The following NAV2 variants were observed in gnomAD, a reference collection of about 807,000 sequenced individuals.
NAV2 encodes helicase, APC down-regulated 1.
Under a neutral mutation model 223.2 loss-of-function variants are expected in NAV2, and 54 were observed. The ratio of observed to expected loss-of-function variants is 0.24; its 90% CI spans 0.19 to 0.30. The LOEUF (loss-of-function observed/expected upper bound fraction) is 0.30. NAV2 is among the 10% of genes least tolerant of loss of function. NAV2 has a pLI of 1.00. For synonymous variants in NAV2, 1,279 were observed against 1,239.3 expected, an observed-to-expected ratio of 1.03 and a Z score of -0.67; for missense variants, 2,806 against 3,147.5, an observed-to-expected ratio of 0.89 and a Z score of 2.60.
intron 5 of NAV2, among the ~76,000 whole-genome samples, chr11:19,891,097 T>C (rs1222876227): frequency 6.6e-6 from 1 of 152,214 alleles, no homozygotes; most frequent in Non-Finnish European, 1.5e-5. Flanking sequence ...ACCATCTTTC[T>C]TGCCCAGCCA....
chr11:19,568,690 A>T, intron 1 of NAV2, among the ~76,000 whole-genome samples: 1 of 152,108 alleles, frequency 6.6e-6, no homozygotes, highest in East Asian at 1.9e-4. Context: ...AAGGAAGGGG[A>T]GCAAAGATGG....
intron 10 of NAV2, among the ~76,000 whole-genome samples, chr11:19,951,196 G>A (rs995336953): frequency 1.3e-5 from 2 of 152,172 alleles, no homozygotes; most frequent in African/African-American, 4.8e-5. Context: ...TGGCCTCAGG[G>A]GAAATAGGAT....
intron 1 of NAV2, among the ~76,000 whole-genome samples, chr11:19,752,430 A>G (rs1565255737): frequency 6.6e-6 from 1 of 152,226 alleles, no homozygotes; most frequent in Non-Finnish European, 1.5e-5. Flanking sequence ...CATTTCAAAA[A>G]TCTTATAGAA....
intron 1 of NAV2, among the ~76,000 whole-genome samples, chr11:19,391,885 C>T (rs527574450): frequency 1.4e-4 from 22 of 152,302 alleles, no homozygotes; most frequent in African/African-American, 5.3e-4. Flanking sequence ...CACCCATCAG[C>T]TCAACTCGCA....
chr11:19,668,774 A>G (rs2048498590), intron 1 of NAV2, among the ~76,000 whole-genome samples: 1 of 152,018 alleles, frequency 6.6e-6, no homozygotes, highest in Admixed American at 6.6e-5. Flanking sequence ...ACTCTTTCAC[A>G]TCAGCTCATC....
intron 1 of NAV2, among the ~76,000 whole-genome samples, chr11:19,422,717 T>G (rs145259263): frequency 6.6e-6 from 1 of 152,370 alleles, no homozygotes; most frequent in African/African-American, 2.4e-5. Flanking sequence ...CTTGTAGGAA[T>G]TACCCAGATA....
intron 1 of NAV2, among the ~76,000 whole-genome samples, chr11:19,421,243 T>C (rs981198144): frequency 1.3e-5 from 2 of 152,174 alleles, no homozygotes; most frequent in African/African-American, 4.8e-5. Flanking sequence ...CAACTCTGCC[T>C]CCTTTGCCCA....
Position 19,388,530 on chromosome 11 carries a change from G to A in NAV2, c.75+37503G>A, listed in dbSNP as rs148647306. Among the ~76,000 whole-genome samples the A allele has an allele frequency of 1.3e-4, 20 of 152,290 alleles. No individual in the cohort carries two copies. In the East Asian group the frequency reaches 3.9e-3, roughly 29 times the overall value. On this transcript the variant is annotated intron_variant, in intron 1 of 37. Transcript: ENST00000360655. Reference sequence around the variant, plus strand: ...TCTGTTTTTCTGAACTTCCTGTACTGTAATCTTCACAGAAAGATTGAACTA... The same window carrying A: ...TCTGTTTTTCTGAACTTCCTGTACTATAATCTTCACAGAAAGATTGAACTA...
chr11:19,591,505 A>C (rs2046060029), intron 1 of NAV2, among the ~76,000 whole-genome samples: 1 of 152,158 alleles, frequency 6.6e-6, no homozygotes, highest in Non-Finnish European at 1.5e-5. Context: ...TCAATATTGG[A>C]TCTATCAAAG....
At chr11:19,659,161 C>A (rs554738063) in intron 1 of NAV2, among the ~76,000 whole-genome samples, 2 of 152,252 alleles carry the variant, frequency 1.3e-5, no homozygotes, top group East Asian at 3.9e-4. Flanking sequence ...AGAGAAGAAT[C>A]TAATTGTATA....
chr11:20,077,221 T>C (rs753808489), intron 22 of NAV2, among the ~76,000 whole-genome samples: 1 of 152,024 alleles, frequency 6.6e-6, no homozygotes, highest in Non-Finnish European at 1.5e-5. Context: ...TATGAGGGTG[T>C]CGTGAAAGTA....
intron 5 of NAV2, among the ~76,000 whole-genome samples, chr11:19,880,695 G>A (rs1355234049): frequency 6.6e-6 from 1 of 152,176 alleles, no homozygotes; most frequent in African/African-American, 2.4e-5. Context: ...CAATGCAGGA[G>A]TAATCTGCAG....
intron 1 of NAV2, among the ~76,000 whole-genome samples, chr11:19,610,760 G>A (rs1022308380): frequency 1.3e-5 from 2 of 151,950 alleles, no homozygotes; most frequent in African/African-American, 4.8e-5. Context: ...ATGGAGCAGT[G>A]GGTGGATGGA....
At chr11:19,541,719 T>C (rs900496931) in intron 1 of NAV2, among the ~76,000 whole-genome samples, 10 of 152,124 alleles carry the variant, frequency 6.6e-5, no homozygotes, top group South Asian at 2.1e-4. Flanking sequence ...CAAAATGACA[T>C]GTCATGGGGA....
intron 1 of NAV2, among the ~76,000 whole-genome samples, chr11:19,462,148 T>G (rs1852190075): frequency 6.6e-6 from 1 of 152,222 alleles, no homozygotes; most frequent in Non-Finnish European, 1.5e-5. Context: ...CTGAAAGGTT[T>G]GAAAGCCACT....
chr11:19,994,413 G>A (rs1343783496), intron 11 of NAV2, among the ~76,000 whole-genome samples: 3 of 152,198 alleles, frequency 2.0e-5, no homozygotes, highest in Non-Finnish European at 2.9e-5. Context: ...TGGGCGTGGT[G>A]GCGGGCGCCT....
At chr11:19,622,466 A>G (rs1181491944) in intron 1 of NAV2, among the ~76,000 whole-genome samples, 1 of 152,182 alleles carries the variant, frequency 6.6e-6, no homozygotes, top group African/African-American at 2.4e-5. Context: ...TATATTTAGG[A>G]TAGTTAGCTC....
intron 1 of NAV2, among the ~76,000 whole-genome samples, chr11:19,747,729 T>C (rs2053497780): frequency 6.6e-6 from 1 of 152,238 alleles, no homozygotes; most frequent in Admixed American, 6.5e-5. Flanking sequence ...GGTTTCAAGC[T>C]ATTTTGGTTT....
chr11:20,062,744 G>A (rs1350564253), intron 20 of NAV2, among the ~76,000 whole-genome samples: 1 of 152,186 alleles, frequency 6.6e-6, no homozygotes, highest in Non-Finnish European at 1.5e-5. Context: ...GCCCAGGCTG[G>A]AATGCAGTGG....
Sources: gnomAD v4.1 joint callset for allele counts (sites outside exome capture counted in the v4.1 genomes callset) on GRCh38, gnomAD v4.1.1 for gene constraint, MANE v1.5 for transcripts, NCBI Gene and HGNC (gene_info 2026-07-23, HGNC 2026-07-21) for gene names.